TRPM6: variants seen among roughly 807,000 people sequenced by gnomAD.
The protein encoded by TRPM6 is transient receptor potential cation channel subfamily M member 6, also known as channel kinase 2.
In TRPM6, 111 loss-of-function variants were observed where a neutral mutation model predicts 247.6. The ratio of observed to expected loss-of-function variants is 0.45; its 90% confidence interval spans 0.38 to 0.52. TRPM6 has a LOEUF of 0.52. TRPM6 is among the 20% of genes least tolerant of loss of function. TRPM6 has a pLI of 0.00. For missense variants in TRPM6, 2,126 were observed against 2,421.5 expected, an observed-to-expected ratio of 0.88 and a Z score of 2.56; for synonymous variants, 892 against 853.8, an observed-to-expected ratio of 1.04 and a Z score of -0.78.
chr9:74,866,761 G>A lies in TRPM6; in HGVS notation c.34-8013C>T, dbSNP rs1180998202. Among the ~76,000 whole-genome samples, 8 of 152,148 alleles carry A rather than the reference G, an allele frequency of 5.3e-5. No homozygotes were observed. In the East Asian group the frequency reaches 7.7e-4, roughly 15 times the overall value. On this transcript the variant is annotated intron_variant, in intron 1 of 38. Transcript: ENST00000360774. ...CTCCCAAAGTGCAGGGATTACAGGC[G>A]TGAGCCACCGCATCCAGCCTCAGGA...
rs547040305 is a variant in TRPM6 at position 74,850,529 on chromosome 9, G to A, written c.152+4998C>T. On this transcript the variant is annotated intron_variant, in intron 3 of 38. Transcript: ENST00000360774. ...GAGGTCGGGAGTTCAAGACCAGCCT[G>A]GCCAACATGGTGAAACCCTGTCTCC... 7.2e-5 allele frequency among the ~76,000 whole-genome samples: 11 copies of A among 152,196 alleles called. No individual in the cohort carries two copies. The East Asian group carries it at 1.6e-3, about 21-fold the overall frequency.
At chr9:74,747,555 T>C (rs1433947060) in intron 31 of TRPM6, among the ~76,000 whole-genome samples, 1 of 152,184 alleles carries the variant, frequency 6.6e-6, no homozygotes, top group Non-Finnish European at 1.5e-5. Flanking sequence ...AACAATCTTA[T>C]AAATGGCTCT....
chr9:74,772,911 G>A (rs571907565), intron 24 of TRPM6, among the ~76,000 whole-genome samples: 24 of 152,132 alleles, frequency 1.6e-4, no homozygotes, highest in African/African-American at 4.8e-4. Context: ...TCTCTGTACC[G>A]GGGAGCTTCT....
At chr9:74,881,712 A>C (rs1186284620) in intron 1 of TRPM6, among the ~76,000 whole-genome samples, 1 of 152,188 alleles carries the variant, frequency 6.6e-6, no homozygotes, top group African/African-American at 2.4e-5. Context: ...AATTTTTAAA[A>C]ATCAAAATCA....
intron 38 of TRPM6, 87 bp from the exon 39 acceptor site, chr9:74,724,833 G>A: frequency 6.5e-7 from 1 of 1,548,234 alleles, no homozygotes; most frequent in Non-Finnish European, 8.9e-7. Context: ...GCTTTGCCAA[G>A]TGTTCAGAGA....
At chr9:74,866,471 GT>G (rs1453511518) in intron 1 of TRPM6, among the ~76,000 whole-genome samples, 1 of 149,534 alleles carries the variant, frequency 6.7e-6, no homozygotes, top group Non-Finnish European at 1.5e-5. Flanking sequence ...TTTTGGGGGG[GT>G]TTTTTGTTTT....
At chr9:74,877,355 C>A (rs990758242) in intron 1 of TRPM6, among the ~76,000 whole-genome samples, 4 of 152,136 alleles carry the variant, frequency 2.6e-5, no homozygotes, top group Admixed American at 1.3e-4. Context: ...AAATAATATA[C>A]AATGCAGCCA....
chr9:74,818,583 G>A (rs1045960661), intron 9 of TRPM6, among the ~76,000 whole-genome samples: 6 of 152,210 alleles, frequency 3.9e-5, no homozygotes, highest in Middle Eastern at 3.4e-3. Flanking sequence ...GATTATAGGC[G>A]TGAGCCAACG....
chr9:74,750,794 C>T, intron 29 of TRPM6, 72 bp from the exon 30 acceptor site: 4 of 1,312,024 alleles, frequency 3.0e-6, no homozygotes, highest in Non-Finnish European at 3.3e-6. Context: ...GAATGATCTG[C>T]CAAACACGCT....
chr9:74,765,479 C>G (rs988306881), intron 25 of TRPM6, among the ~76,000 whole-genome samples: 1 of 151,946 alleles, frequency 6.6e-6, no homozygotes, highest in Non-Finnish European at 1.5e-5. Flanking sequence ...TTCTTTTCTT[C>G]CCTTGTTTCA....
At chr9:74,795,112 T>C (rs180912381) in intron 18 of TRPM6, among the ~76,000 whole-genome samples, 7 of 152,270 alleles carry the variant, frequency 4.6e-5, no homozygotes, top group Non-Finnish European at 7.4e-5. Context: ...TCTCCAGTTA[T>C]CCTTGTGTCC....
chr9:74,725,833 C>T (rs1225063756), intron 38 of TRPM6, among the ~76,000 whole-genome samples: 1 of 152,196 alleles, frequency 6.6e-6, no homozygotes, highest in Non-Finnish European at 1.5e-5. Flanking sequence ...CAGACTAATA[C>T]ATATACTACC....
chr9:74,735,795 C>G (rs1360151922), intron 36 of TRPM6, among the ~76,000 whole-genome samples: 3 of 152,140 alleles, frequency 2.0e-5, no homozygotes, highest in African/African-American at 7.2e-5. Context: ...GGAAATTGGT[C>G]AGGTCTCTCC....
intron 3 of TRPM6, among the ~76,000 whole-genome samples, chr9:74,847,746 T>C (rs772433291): frequency 7.2e-5 from 11 of 152,114 alleles, no homozygotes; most frequent in Non-Finnish European, 1.5e-4. Context: ...ATTGTCATTC[T>C]TGATTTTAAG....
chr9:74,785,789 C>T, intron 21 of TRPM6, 85 bp downstream of exon 21: 3 of 1,509,960 alleles, frequency 2.0e-6, no homozygotes, highest in Non-Finnish European at 1.8e-6. Flanking sequence ...TCCCAAAGTG[C>T]TGGGATTACA....
At chr9:74,765,011 C>A (rs1240500008) in intron 25 of TRPM6, among the ~76,000 whole-genome samples, 1 of 151,282 alleles carries the variant, frequency 6.6e-6, no homozygotes, top group African/African-American at 2.4e-5. Context: ...TTTAACCTAG[C>A]AAATTAAAAA....
chr9:74,742,430 A>G, intron 33 of TRPM6, 131 bp downstream of exon 33: 1 of 830,556 alleles, frequency 1.2e-6, no homozygotes, highest in East Asian at 2.7e-5. Flanking sequence ...TAGGAAATGA[A>G]TCTCACTAAA....
chr9:74,746,132 G>A (rs983578314), intron 31 of TRPM6, among the ~76,000 whole-genome samples: 1 of 151,888 alleles, frequency 6.6e-6, no homozygotes, highest in Non-Finnish European at 1.5e-5. Context: ...CCAGCTACTC[G>A]GGAGGCTGAG....
At chr9:74,860,251 A>G (rs1003922072) in intron 1 of TRPM6, among the ~76,000 whole-genome samples, 3 of 152,220 alleles carry the variant, frequency 2.0e-5, no homozygotes, top group East Asian at 1.9e-4. Context: ...AGCATTTTCT[A>G]TGTATTAAAA....
Sources: allele counts gnomAD v4.1 joint callset (sites outside exome capture counted in the v4.1 genomes callset), GRCh38; gene constraint gnomAD v4.1.1; transcripts MANE v1.5; gene names NCBI Gene and HGNC (gene_info 2026-07-23, HGNC 2026-07-21).